RB1: variants seen among roughly 807,000 people sequenced by gnomAD.
RB1 encodes RB transcriptional corepressor 1.
A neutral mutation model predicts 135.4 loss-of-function variants in RB1; 18 were observed. The observed-to-expected ratio is 0.13, with a 90% confidence interval of 0.09 to 0.20. The LOEUF (loss-of-function observed/expected upper bound fraction) is 0.20, where lower values mean the gene tolerates loss of function less well. Ranked by LOEUF, RB1 falls within the 10% of genes least tolerant of loss-of-function variation. RB1 has a pLI of 1.00. For synonymous variants in RB1, 365 were observed against 373.2 expected, an observed-to-expected ratio of 0.98 and a Z score of 0.25; for missense variants, 868 against 1,110.0, an observed-to-expected ratio of 0.78 and a Z score of 3.10.
intron 17 of RB1, among the ~76,000 whole-genome samples, chr13:48,449,890 G>A (rs1158292054): frequency 6.6e-6 from 1 of 152,066 alleles, no homozygotes; most frequent in African/African-American, 2.4e-5. Context: ...GTTTGTTGTA[G>A]TTTTAGTCAT....
At chr13:48,306,614 C>T (rs1689346915) in intron 1 of RB1, among the ~76,000 whole-genome samples, 1 of 152,120 alleles carries the variant, frequency 6.6e-6, no homozygotes, top group African/African-American at 2.4e-5. Context: ...GAATACTTAT[C>T]TAAAAGGGCT....
At chr13:48,368,694 C>A in intron 11 of RB1, 90 bp downstream of exon 11, 7 of 1,483,286 alleles carry the variant, frequency 4.7e-6, no homozygotes, top group African/African-American at 1.4e-5. Context: ...TTTATGTATT[C>A]ATACATACAT....
chr13:48,412,484 G>T, intron 17 of RB1: 1 of 1,090,874 alleles, frequency 9.2e-7, no homozygotes, highest in South Asian at 1.2e-5. Flanking sequence ...TCTCCTTTGG[G>T]ATTCAGATTA....
intron 24 of RB1, among the ~76,000 whole-genome samples, chr13:48,475,485 T>C (rs1011626352): frequency 4.6e-5 from 7 of 152,198 alleles, no homozygotes; most frequent in Non-Finnish European, 8.8e-5. Context: ...GGCCCCTCCA[T>C]AGTACTGCTT....
chr13:48,433,152 T>G (rs568907542), intron 17 of RB1, among the ~76,000 whole-genome samples: 27 of 152,286 alleles, frequency 1.8e-4, no homozygotes, highest in African/African-American at 4.1e-4. Context: ...TGTAAGCTAC[T>G]AAACCTCAGT....
intron 7 of RB1, among the ~76,000 whole-genome samples, chr13:48,362,195 C>T (rs1474215935): frequency 6.6e-6 from 1 of 152,020 alleles, no homozygotes; most frequent in Non-Finnish European, 1.5e-5. Context: ...ATCCACCTGC[C>T]TTGGCCTCCC....
At chr13:48,320,406 C>T in intron 2 of RB1, 2 of 1,138,406 alleles carry the variant, frequency 1.8e-6, no homozygotes. Flanking sequence ...ACCTAAAGCT[C>T]CCTGGTGGGC....
Position 48,319,068 on chromosome 13 carries a change from G to C in RB1, c.264+11662G>C. 1 of 619,794 alleles carries C rather than the reference G, an allele frequency of 1.6e-6. No individual in the cohort carries two copies. The highest frequency in any genetic ancestry group is 3.0e-6 in the Non-Finnish European group (1 of 333,894). The allele number at this position is 619,794 out of a possible 1,614,324, so 38.4% of individuals were successfully genotyped here. A position where few individuals can be genotyped will look rare whatever the true frequency, so the allele number is the denominator to read the frequency against. ...GTCAGTTCAGCGGACGTGTCTGCCT[G>C]GCACGAGGACCGTTCTACAAACTCG... is the stretch of plus-strand genomic sequence containing the variant. On this transcript the variant is annotated intron_variant, in intron 2 of 26. Coordinates refer to ENST00000267163, the MANE Select transcript of RB1 (RefSeq NM_000321.3). This position sits in a 1 kb window ranked among gnomAD's most constrained non-coding sequence, Gnocchi z 5.0.
intron 17 of RB1, chr13:48,411,461 A>G: frequency 6.2e-7 from 1 of 1,613,364 alleles, no homozygotes; most frequent in Non-Finnish European, 8.5e-7. Flanking sequence ...AATTCTCTGC[A>G]CCATGAACTT....
intron 2 of RB1, chr13:48,318,067 G>T: frequency 1.9e-6 from 1 of 539,334 alleles, no homozygotes; most frequent in Non-Finnish European, 3.4e-6. Flanking sequence ...TGGGGAAATG[G>T]ATTCCCTTCA....
At chr13:48,378,709 C>A (rs1948504057) in intron 13 of RB1, among the ~76,000 whole-genome samples, 1 of 151,590 alleles carries the variant, frequency 6.6e-6, no homozygotes. Context: ...ATGTACTATA[C>A]TTTTATATGA....
intron 17 of RB1, among the ~76,000 whole-genome samples, chr13:48,389,005 C>G (rs1593461383): frequency 1.3e-5 from 2 of 151,732 alleles, no homozygotes; most frequent in South Asian, 2.1e-4. Context: ...ACTAAAAATA[C>G]AAAAATTAGC....
intron 17 of RB1, among the ~76,000 whole-genome samples, chr13:48,419,410 A>C (rs945951390): frequency 3.9e-5 from 6 of 152,226 alleles, no homozygotes; most frequent in Non-Finnish European, 5.9e-5. Context: ...AGTTTATAGC[A>C]CTAAATGCCC....
chr13:48,476,950 A>G, intron 25 of RB1, 107 bp downstream of exon 25: 1 of 1,427,896 alleles, frequency 7.0e-7, no homozygotes, highest in Non-Finnish European at 9.8e-7. Context: ...TGCCAAGTTT[A>G]TTTGGAAGTT....
intron 2 of RB1, among the ~76,000 whole-genome samples, chr13:48,327,454 T>C (rs149662124): frequency 1.8e-3 from 270 of 152,314 alleles, no homozygotes; most frequent in African/African-American, 6.1e-3. Flanking sequence ...TGAAGTGGGC[T>C]ATTTCAAATA....
chr13:48,309,251 A>C (rs1952111743), intron 2 of RB1, among the ~76,000 whole-genome samples: 1 of 152,198 alleles, frequency 6.6e-6, no homozygotes, highest in East Asian at 1.9e-4. Context: ...CACTTCAGAC[A>C]GATACTTTTA....
intron 17 of RB1, among the ~76,000 whole-genome samples, chr13:48,431,253 T>C (rs1176750999): frequency 1.3e-5 from 2 of 152,230 alleles, no homozygotes; most frequent in Non-Finnish European, 2.9e-5. Context: ...TTAATATTTG[T>C]ATTTTTTTTA....
At chr13:48,451,199 C>CT (rs1949325156) in intron 17 of RB1, among the ~76,000 whole-genome samples, 1 of 152,110 alleles carries the variant, frequency 6.6e-6, no homozygotes, top group Admixed American at 6.5e-5. Flanking sequence ...AGAGAGTATC[C>CT]TTGTCTTGTG....
chr13:48,363,525 C>T (rs1023276355), intron 8 of RB1, among the ~76,000 whole-genome samples: 1 of 152,166 alleles, frequency 6.6e-6, no homozygotes, highest in Non-Finnish European at 1.5e-5. Flanking sequence ...CCACTGCACT[C>T]CAGCCCGGGC....
Sources: gnomAD v4.1 joint callset for allele counts (sites outside exome capture counted in the v4.1 genomes callset) on GRCh38, gnomAD v4.1.1 for gene constraint, Gnocchi (gnomAD v3.1) non-coding constraint, MANE v1.5 for transcripts, NCBI Gene and HGNC (gene_info 2026-07-23, HGNC 2026-07-21) for gene names.